PTPRO: variants seen among roughly 807,000 people sequenced by gnomAD.
PTPRO encodes the protein protein tyrosine phosphatase receptor type O.
In PTPRO, 62 loss-of-function variants were observed where a neutral mutation model predicts 145.2. That is an observed-to-expected ratio of 0.43 (90% confidence interval 0.35 to 0.53). The LOEUF is 0.53. Ranked by LOEUF, PTPRO falls within the 20% of genes least tolerant of loss-of-function variation. The pLI, the probability that PTPRO is intolerant of heterozygous loss-of-function variation, is 0.01. For missense variants in PTPRO, 1,345 were observed against 1,482.7 expected, an observed-to-expected ratio of 0.91 and a Z score of 1.53; for synonymous variants, 565 against 514.7, an observed-to-expected ratio of 1.10 and a Z score of -1.32.
intron 1 of PTPRO, among the ~76,000 whole-genome samples, chr12:15,461,639 C>A (rs1941305580): frequency 6.7e-6 from 1 of 148,166 alleles, no homozygotes; most frequent in Admixed American, 6.8e-5. Context: ...GCAATCTCGG[C>A]TCACTGCAAC....
chr12:15,404,761 C>T (rs1939601038), intron 1 of PTPRO, among the ~76,000 whole-genome samples: 1 of 152,220 alleles, frequency 6.6e-6, no homozygotes, highest in South Asian at 2.1e-4. Flanking sequence ...TGTCAACTGA[C>T]TTCCATACAG....
chr12:15,571,268 T>A (rs1354977758), intron 19 of PTPRO, among the ~76,000 whole-genome samples: 1 of 151,612 alleles, frequency 6.6e-6, no homozygotes, highest in East Asian at 2.0e-4. Flanking sequence ...ACAAACAACC[T>A]CTTTTTCTGT....
chr12:15,463,226 G>C (rs956873390), intron 1 of PTPRO, among the ~76,000 whole-genome samples: 12 of 152,176 alleles, frequency 7.9e-5, no homozygotes, highest in African/African-American at 2.9e-4. Flanking sequence ...CAAAGGTTCA[G>C]CTTTTATTAA....
rs921694751 is a variant in PTPRO at position 15,419,749 on chromosome 12, A to G, written c.76-64225A>G. On this transcript the variant is annotated intron_variant, in intron 1 of 26. Transcript: ENST00000281171. ...AGTTCTTTGGTGTTTTTTTTTTCCC[A>G]GAGAAAATAGAGGTAATCCAACATT... Among the ~76,000 whole-genome samples, 4 of 150,684 alleles carry G rather than the reference A, an allele frequency of 2.7e-5. 1 individual carries two copies. Among genetic ancestry groups the G allele is most frequent in the African/African-American group, 9.9e-5 (4 of 40,462 alleles).
chr12:15,448,854 T>G (rs1039785486), intron 1 of PTPRO, among the ~76,000 whole-genome samples: 3 of 151,776 alleles, frequency 2.0e-5, no homozygotes, highest in Admixed American at 6.6e-5. Flanking sequence ...CATCCTTAAA[T>G]AACAACATGG....
intron 1 of PTPRO, among the ~76,000 whole-genome samples, chr12:15,323,299 G>GA: frequency 6.6e-6 from 1 of 152,236 alleles, no homozygotes; most frequent in Admixed American, 6.5e-5. Context: ...AATTTTCTTT[G>GA]AATAAGGAGT....
chr12:15,581,989 C>T (rs1041026388), intron 23 of PTPRO, among the ~76,000 whole-genome samples, 188 bp downstream of exon 23: 1 of 152,054 alleles, frequency 6.6e-6, no homozygotes, highest in African/African-American at 2.4e-5. Context: ...AGAGATTTAC[C>T]CACATATTTA....
At chr12:15,475,161 A>G (rs1941626834) in intron 1 of PTPRO, among the ~76,000 whole-genome samples, 1 of 152,216 alleles carries the variant, frequency 6.6e-6, no homozygotes, top group African/African-American at 2.4e-5. Context: ...AATTGAGTCT[A>G]TTTACTCTTC....
At chr12:15,353,659 G>A (rs1438357788) in intron 1 of PTPRO, among the ~76,000 whole-genome samples, 1 of 152,096 alleles carries the variant, frequency 6.6e-6, no homozygotes, top group Non-Finnish European at 1.5e-5. Context: ...AAAGGCTTTG[G>A]TTAACTCTCA....
intron 19 of PTPRO, among the ~76,000 whole-genome samples, chr12:15,577,657 T>C (rs1050649285): frequency 3.9e-5 from 6 of 152,224 alleles, no homozygotes; most frequent in African/African-American, 7.2e-5. Flanking sequence ...TAACAAGTGA[T>C]TTTTGCCTCG....
chr12:15,527,875 A>ACCCCCCCCCCCCCCCCC (rs1555173370), intron 12 of PTPRO, among the ~76,000 whole-genome samples: 4 of 137,646 alleles, frequency 2.9e-5, no homozygotes, highest in Admixed American at 7.5e-5. Context: ...GGGAACTGTG[A>ACCCCCCCCCCCCCCCCC]CCCGCCCACG....
At chr12:15,400,092 G>C (rs1266137593) in intron 1 of PTPRO, among the ~76,000 whole-genome samples, 1 of 146,014 alleles carries the variant, frequency 6.8e-6, no homozygotes, top group Non-Finnish European at 1.5e-5. Context: ...GAGGGTTCAA[G>C]CGATTCTCCT....
chr12:15,460,019 C>A (rs990985901), intron 1 of PTPRO, among the ~76,000 whole-genome samples: 2 of 152,162 alleles, frequency 1.3e-5, no homozygotes, highest in Non-Finnish European at 2.9e-5. Context: ...GTAGTGGAAA[C>A]CACTATCTTG....
intron 19 of PTPRO, among the ~76,000 whole-genome samples, chr12:15,576,483 G>A (rs1944188555): frequency 6.6e-6 from 1 of 152,180 alleles, no homozygotes; most frequent in Non-Finnish European, 1.5e-5. Context: ...GTGCTCAAAC[G>A]CTCAGCCTCA....
intron 1 of PTPRO, among the ~76,000 whole-genome samples, chr12:15,393,410 T>C (rs1399812138): frequency 6.6e-6 from 1 of 152,174 alleles, no homozygotes; most frequent in Non-Finnish European, 1.5e-5. Flanking sequence ...AGGCCCAATA[T>C]TGAATAGCAC....
At chr12:15,398,201 T>C (rs1939395076) in intron 1 of PTPRO, among the ~76,000 whole-genome samples, 1 of 152,198 alleles carries the variant, frequency 6.6e-6, no homozygotes, top group African/African-American at 2.4e-5. Flanking sequence ...AGCACATAAA[T>C]AGGCTGCTCA....
intron 1 of PTPRO, among the ~76,000 whole-genome samples, chr12:15,341,839 C>A (rs187681312): frequency 6.6e-6 from 1 of 152,166 alleles, no homozygotes; most frequent in African/African-American, 2.4e-5. Context: ...CAGCATAAAG[C>A]AAAGATTACC....
rs189606572 is a variant in PTPRO at position 15,579,015 on chromosome 12, T to G, written c.2920+72T>G. 274 of 1,356,942 alleles carry G rather than the reference T, an allele frequency of 2.0e-4. No individual in the cohort carries two copies. The African/African-American group carries it at 3.8e-3, about 19-fold the overall frequency. The allele number at this position is 1,356,942 out of a possible 1,614,324, so 84.1% of individuals were successfully genotyped here. A position where few individuals can be genotyped will look rare whatever the true frequency, so the allele number is the denominator to read the frequency against. On this transcript the variant is annotated intron_variant, in intron 20 of 26. Transcript: ENST00000281171. ...AGGACTGTCATTGCAGATTAATCAA[T>G]TTCACCAATCTCTGGCCATACCCAC...
At chr12:15,323,077 AGGT>A (rs1210704871) in intron 1 of PTPRO, among the ~76,000 whole-genome samples, 1 of 152,196 alleles carries the variant, frequency 6.6e-6, no homozygotes, top group East Asian at 1.9e-4. Flanking sequence ...TCCACATCAA[AGGT>A]GGGCTTGTTG....
Sources: allele counts gnomAD v4.1 joint callset (sites outside exome capture counted in the v4.1 genomes callset), GRCh38; gene constraint gnomAD v4.1.1; transcripts MANE v1.5; gene names NCBI Gene and HGNC (gene_info 2026-07-23, HGNC 2026-07-21).